The following GREB1L variants were observed in gnomAD, a reference collection of about 807,000 sequenced individuals.
GREB1L encodes the protein GREB1 like retinoic acid receptor coactivator.
GREB1L carries 17 observed loss-of-function variants against 200.8 expected under a neutral mutation model. The ratio of observed to expected loss-of-function variants is 0.08; its 90% CI spans 0.06 to 0.13. The LOEUF (loss-of-function observed/expected upper bound fraction) is 0.13. Among genes scored for constraint, GREB1L ranks in the 10% least tolerant of loss-of-function variants. The pLI is 1.00. For missense variants in GREB1L, 1,657 were observed against 2,367.7 expected (o/e 0.70, Z 6.23); for synonymous variants, 789 against 893.0 (o/e 0.88, Z 2.08).
intron 7 of GREB1L, among the ~76,000 whole-genome samples, chr18:21,438,350 AAG>A (rs1218021830): frequency 6.6e-6 from 1 of 152,162 alleles, no homozygotes; most frequent in African/African-American, 2.4e-5. Context: ...TTATTTTTAA[AAG>A]AGTCTTTTTC....
intron 12 of GREB1L, among the ~76,000 whole-genome samples, chr18:21,450,333 T>G (rs2145414346): frequency 6.6e-6 from 1 of 152,334 alleles, no homozygotes; most frequent in South Asian, 2.1e-4. Flanking sequence ...TTGTTTGTTT[T>G]GCACTGTGCA....
intron 16 of GREB1L, among the ~76,000 whole-genome samples, chr18:21,474,733 T>C (rs1374478620): frequency 6.6e-6 from 1 of 152,138 alleles, no homozygotes; most frequent in African/African-American, 2.4e-5. Context: ...AAATACTTTT[T>C]CCTCCTAGGC....
chr18:21,314,032 A>G (rs2038830915), intron 1 of GREB1L, among the ~76,000 whole-genome samples: 1 of 152,204 alleles, frequency 6.6e-6, no homozygotes, highest in Non-Finnish European at 1.5e-5. Flanking sequence ...AAAAGTGGGC[A>G]TTCTTTTCCC....
At chr18:21,410,768 T>C (rs946149536) in intron 7 of GREB1L, among the ~76,000 whole-genome samples, 1 of 151,324 alleles carries the variant, frequency 6.6e-6, no homozygotes, top group African/African-American at 2.4e-5. Context: ...AGATGATATG[T>C]GTAATACATA....
intron 7 of GREB1L, among the ~76,000 whole-genome samples, chr18:21,412,067 A>AAAAAAAAAAAAAT (rs2031106227): frequency 6.6e-6 from 1 of 150,972 alleles, no homozygotes; most frequent in African/African-American, 2.4e-5. Flanking sequence ...AAAAAAAAAA[A>AAAAAAAAAAAAAT]AAAAAAAAAA....
intron 2 of GREB1L, among the ~76,000 whole-genome samples, chr18:21,371,413 G>A (rs2039866019): frequency 6.6e-6 from 1 of 151,638 alleles, no homozygotes; most frequent in Non-Finnish European, 1.5e-5. Context: ...CTTTTATAAA[G>A]GAAAGAATGC....
intron 1 of GREB1L, among the ~76,000 whole-genome samples, chr18:21,315,908 C>G (rs906809919): frequency 6.6e-6 from 1 of 152,052 alleles, no homozygotes; most frequent in Admixed American, 6.5e-5. Context: ...TTACACAACC[C>G]GCACATCGAA....
intron 1 of GREB1L, among the ~76,000 whole-genome samples, chr18:21,275,091 T>C (rs1308997208): frequency 6.6e-6 from 1 of 151,710 alleles, no homozygotes; most frequent in East Asian, 1.9e-4. Context: ...AATACAAAAA[T>C]TAGCTAGGCA....
chr18:21,289,042 C>T (rs1008101300), intron 1 of GREB1L, among the ~76,000 whole-genome samples: 1 of 152,038 alleles, frequency 6.6e-6, no homozygotes. Context: ...GGCCAGCTAC[C>T]ATGCTTTCTT....
intron 17 of GREB1L, among the ~76,000 whole-genome samples, chr18:21,484,827 A>G (rs1472048589): frequency 2.0e-5 from 3 of 152,170 alleles, no homozygotes; most frequent in Admixed American, 6.5e-5. Context: ...TGGTCTCAAA[A>G]ATAAAATAAA....
At chr18:21,309,887 C>T (rs1445214124) in intron 1 of GREB1L, among the ~76,000 whole-genome samples, 1 of 152,088 alleles carries the variant, frequency 6.6e-6, no homozygotes, top group Non-Finnish European at 1.5e-5. Context: ...CTGCAATGCA[C>T]AAAACAGCCC....
chr18:21,441,896 C>T (rs184997023), intron 10 of GREB1L, among the ~76,000 whole-genome samples: 35 of 152,318 alleles, frequency 2.3e-4, no homozygotes, highest in Non-Finnish European at 4.1e-4. Flanking sequence ...TGAGAGAGGG[C>T]TTACCTCTGC....
intron 14 of GREB1L, 34 bp from the exon 15 acceptor site, chr18:21,454,332 A>G: frequency 6.9e-7 from 1 of 1,448,716 alleles, no homozygotes; most frequent in Non-Finnish European, 9.5e-7. Flanking sequence ...GAAGTAAATT[A>G]ACCTTGTTCT....
intron 4 of GREB1L, among the ~76,000 whole-genome samples, chr18:21,388,178 T>TA (rs1215257956): frequency 6.6e-6 from 1 of 152,172 alleles, no homozygotes; most frequent in Non-Finnish European, 1.5e-5. Flanking sequence ...CTTTCTTTCC[T>TA]ATTCTCTTCT....
At position 21,505,857 on chromosome 18, in the gene GREB1L, G is replaced by A. The variant is rs2036991057; in HGVS notation, c.4276G>A (p.Val1426Ile). 3.2e-6 allele frequency: 5 copies of A among 1,551,946 alleles called. No homozygotes were observed. Among genetic ancestry groups the A allele is most frequent in the Middle Eastern group, 3.3e-4 (2 of 5,996 alleles). ...KVEEPRKRET[V>I]SIMLTKYAAY... ...TGAAGAGCCCAGGAAACGGGAAACT[G>A]TATCCATAATGCTGACCAAATATGC... Residue 1426 changes from valine (V) to isoleucine (I), a missense_variant, in exon 25 of 33, where the codon GTA becomes ATA. By Grantham distance (29) the Val-to-Ile change is conservative. Around this residue, in one of 9 missense-constraint regions of GREB1L, gnomAD observed 512 missense variants for 668.3 expected, o/e 0.77. Transcript: ENST00000424526.
Position 21,478,459 on chromosome 18 carries a change from T to TA in GREB1L, c.2556+1109dup, listed in dbSNP as rs147836194. ...ATATTTTAAAATAAACATGTTTAAG[T>TA]AAAAAACACCAAAAATGTCTTACAT... On this transcript the variant is annotated intron_variant, in intron 17 of 32. Transcript: ENST00000424526. Among the ~76,000 whole-genome samples, 1,520 of 152,296 alleles carry TA rather than the reference T, an allele frequency of 1.0e-2. 31 individuals carry two copies. The highest frequency in any genetic ancestry group is 0.034 in the African/African-American group (1,427 of 41,566).
chr18:21,278,251 G>C (rs1017610738), intron 1 of GREB1L, among the ~76,000 whole-genome samples: 57 of 151,770 alleles, frequency 3.8e-4, no homozygotes, highest in African/African-American at 9.7e-4. Context: ...GTGGTGGCAG[G>C]CGTCTGTAAT....
chr18:21,454,043 A>C (rs180762368), intron 14 of GREB1L, among the ~76,000 whole-genome samples: 3 of 152,340 alleles, frequency 2.0e-5, no homozygotes, highest in African/African-American at 7.2e-5. Flanking sequence ...TCTTGGCTCC[A>C]GCTGCGACAG....
intron 1 of GREB1L, among the ~76,000 whole-genome samples, chr18:21,284,607 T>C (rs1328256009): frequency 1.3e-5 from 2 of 152,240 alleles, no homozygotes; most frequent in African/African-American, 2.4e-5. Context: ...TTTTGGACTA[T>C]AATAAATAGT....
Sources: allele counts gnomAD v4.1 joint callset (sites outside exome capture counted in the v4.1 genomes callset), GRCh38; gene constraint gnomAD v4.1.1; regional missense constraint gnomAD v4.1.1; transcripts MANE v1.5; gene names NCBI Gene and HGNC (gene_info 2026-07-23, HGNC 2026-07-21).